XXYLT1: variants seen among roughly 807,000 people sequenced by gnomAD.
XXYLT1 encodes xyloside xylosyltransferase 1.
Under a neutral mutation model 28.9 loss-of-function variants are expected in XXYLT1, and 20 were observed. The observed-to-expected ratio is 0.69, with a 90% CI of 0.49 to 1.00. The LOEUF (loss-of-function observed/expected upper bound fraction) is 1.00. Among genes scored for constraint, XXYLT1 ranks in the 50% least tolerant of loss-of-function variants. The pLI is 0.00. For synonymous variants in XXYLT1, 257 were observed against 253.8 expected, an observed-to-expected ratio of 1.01 and a Z score of -0.12; for missense variants, 542 against 560.1, an observed-to-expected ratio of 0.97 and a Z score of 0.33.
intron 2 of XXYLT1, among the ~76,000 whole-genome samples, chr3:195,186,279 G>C (rs1392277407): frequency 6.6e-6 from 1 of 152,164 alleles, no homozygotes; most frequent in East Asian, 1.9e-4. Context: ...TCCCACAGAA[G>C]AACGCATGCA....
At chr3:195,246,001 A>C (rs1181731812) in intron 1 of XXYLT1, among the ~76,000 whole-genome samples, 1 of 152,202 alleles carries the variant, frequency 6.6e-6, no homozygotes, top group Non-Finnish European at 1.5e-5. Context: ...ACAATCTCGG[A>C]TATCTCTTTA....
intron 2 of XXYLT1, among the ~76,000 whole-genome samples, chr3:195,171,635 C>G (rs1430561688): frequency 2.0e-5 from 3 of 152,198 alleles, no homozygotes; most frequent in East Asian, 3.8e-4. Context: ...AACAAACAAA[C>G]AAACAAAAAG....
intron 1 of XXYLT1, among the ~76,000 whole-genome samples, chr3:195,254,274 A>G (rs1444759976): frequency 6.6e-6 from 1 of 152,242 alleles, no homozygotes; most frequent in African/African-American, 2.4e-5. Context: ...TGGGGTCAGC[A>G]GCAGAAACAA....
chr3:195,142,056 G>A (rs997279824), intron 3 of XXYLT1, among the ~76,000 whole-genome samples: 4 of 152,168 alleles, frequency 2.6e-5, no homozygotes, highest in Admixed American at 1.3e-4. Flanking sequence ...TGACCCCAGC[G>A]GTTATTTCTG....
chr3:195,120,559 A>C (rs142268277), intron 3 of XXYLT1, among the ~76,000 whole-genome samples: 1 of 152,138 alleles, frequency 6.6e-6, no homozygotes, highest in East Asian at 1.9e-4. Flanking sequence ...ATTAACTAAC[A>C]TTATTATTCC....
chr3:195,081,439 G>A (rs1156342958), intron 3 of XXYLT1, among the ~76,000 whole-genome samples: 1 of 152,190 alleles, frequency 6.6e-6, no homozygotes, highest in African/African-American at 2.4e-5. Flanking sequence ...GTGCCAGGAG[G>A]GAGGCCCAGC....
At chr3:195,249,085 A>C (rs1014866204) in intron 1 of XXYLT1, among the ~76,000 whole-genome samples, 29 of 152,326 alleles carry the variant, frequency 1.9e-4, no homozygotes, top group Middle Eastern at 3.4e-3. Context: ...AAACATGCAG[A>C]CGGAATTGTA....
intron 2 of XXYLT1, among the ~76,000 whole-genome samples, chr3:195,162,973 C>T (rs1232063540): frequency 6.6e-6 from 1 of 152,014 alleles, no homozygotes; most frequent in Admixed American, 6.5e-5. Context: ...ACATCTCTCT[C>T]GTGTCTGCTA....
chr3:195,143,764 G>T (rs1719610031), intron 3 of XXYLT1, among the ~76,000 whole-genome samples: 1 of 137,148 alleles, frequency 7.3e-6, no homozygotes, highest in Admixed American at 7.6e-5. Flanking sequence ...TCTTTTGAGA[G>T]CTAACCAAAT....
chr3:195,268,569 G>A (rs1024617259), intron 1 of XXYLT1, among the ~76,000 whole-genome samples: 1 of 150,760 alleles, frequency 6.6e-6, no homozygotes, highest in Non-Finnish European at 1.5e-5. Context: ...CTGCACTCCA[G>A]CCTAGGCAAC....
rs1188701675 is a variant in XXYLT1, at chr3:195,109,857, TG to T, written c.786-39747del. ...TGCGTGTGTGTGGTGTATGTGTGCC[TG>T]TGTGTGTGGTGTATGTGTGCATGTG... On this transcript the variant is annotated intron_variant, in intron 3 of 3. Transcript: ENST00000310380. Among the ~76,000 whole-genome samples, 17 of 50,678 alleles carry T rather than the reference TG, an allele frequency of 3.4e-4. 5 individuals carry two copies. In the East Asian group the frequency reaches 5.2e-3, roughly 15 times the overall value. 33.2% of individuals were successfully genotyped at this position (50,678 alleles called of 152,430 possible).
chr3:195,179,833 T>A (rs1165252968), intron 2 of XXYLT1, among the ~76,000 whole-genome samples: 1 of 152,126 alleles, frequency 6.6e-6, no homozygotes, highest in Non-Finnish European at 1.5e-5. Flanking sequence ...GAGTCACAAT[T>A]AACAAAGGAT....
rs1305610774 is a variant in XXYLT1 at position 195,209,089 on chromosome 3, G to A, written c.652+17620C>T. Among the ~76,000 whole-genome samples the A allele has an allele frequency of 2.0e-5, 3 of 152,190 alleles. No individual in the cohort carries two copies. Among genetic ancestry groups the A allele is most frequent in the Admixed American group, 6.5e-5 (1 of 15,274 alleles). On this transcript the variant is annotated intron_variant, in intron 2 of 3. Coordinates refer to ENST00000310380, the MANE Select transcript of XXYLT1 (RefSeq NM_152531.5). The surrounding 1 kb of genome is among the most constrained non-coding windows in gnomAD (Gnocchi z 5.0). ...GAAGCCATCGCCCACCTCCCCTTAC[G>A]TGGCTCACTCGCCTCTCAGGGGGAA...
At chr3:195,237,635 C>A (rs1341252052) in intron 1 of XXYLT1, among the ~76,000 whole-genome samples, 4 of 151,980 alleles carry the variant, frequency 2.6e-5, no homozygotes, top group Non-Finnish European at 5.9e-5. Context: ...CCTTGCTCCA[C>A]CTCCAGCCTA....
rs757742836 is a variant in XXYLT1 at position 195,133,725 on chromosome 3, C to T, written c.785+22724G>A. ...ACGTTGCAGTCAACGACAGAACACA[C>T]GAACAGAGGATGGTGCCAGAAGATC... On this transcript the variant is annotated intron_variant, in intron 3 of 3. Coordinates refer to ENST00000310380, the MANE Select transcript of XXYLT1 (RefSeq NM_152531.5). The surrounding 1 kb of genome is among the most constrained non-coding windows in gnomAD (Gnocchi z 4.4). Among the ~76,000 whole-genome samples the T allele has an allele frequency of 1.3e-5, 2 of 152,148 alleles. No individual in the cohort carries two copies. Among genetic ancestry groups the T allele is most frequent in the African/African-American group, 2.4e-5 (1 of 41,424 alleles).
chr3:195,247,921 G>A (rs1245194552), intron 1 of XXYLT1: 7 of 633,114 alleles, frequency 1.1e-5, no homozygotes, highest in Admixed American at 4.4e-5. Flanking sequence ...TGACTCTCAC[G>A]AGAAGAGCAG....
intron 1 of XXYLT1, among the ~76,000 whole-genome samples, chr3:195,246,558 G>A (rs1414194341): frequency 1.3e-5 from 2 of 152,226 alleles, no homozygotes; most frequent in Admixed American, 1.3e-4. Context: ...GTCCCTGGAG[G>A]GAGAGCAAGA....
chr3:195,270,279 G>A, intron 1 of XXYLT1: 1 of 673,792 alleles, frequency 1.5e-6, no homozygotes, highest in Non-Finnish European at 2.3e-6. Flanking sequence ...ATGGGGGCGC[G>A]CGGACTCTCC....
At chr3:195,143,885 TA>T (rs1719686183) in intron 3 of XXYLT1, among the ~76,000 whole-genome samples, 15 of 130,954 alleles carry the variant, frequency 1.1e-4, no homozygotes, top group East Asian at 3.2e-4. Flanking sequence ...TATATATATA[TA>T]TATTTATTTT....
Sources: allele counts gnomAD v4.1 joint callset (sites outside exome capture counted in the v4.1 genomes callset), GRCh38; gene constraint gnomAD v4.1.1; non-coding constraint Gnocchi (gnomAD v3.1); transcripts MANE v1.5; gene names NCBI Gene and HGNC (gene_info 2026-07-23, HGNC 2026-07-21).